Variants in MMS22L observed in about 807,000 individuals in gnomAD.
MMS22L encodes protein MMS22-like.
MMS22L carries 74 observed loss-of-function variants against 159.1 expected under a neutral mutation model. That is an observed-to-expected ratio of 0.47 (90% CI 0.39 to 0.56). MMS22L has a LOEUF of 0.56. Among genes scored for constraint, MMS22L ranks in the 20% least tolerant of loss-of-function variants. The probability of loss-of-function intolerance (pLI) is 0.00; values close to 1 mark genes in which losing one functional copy is unlikely to be tolerated. For missense variants in MMS22L, 1,351 were observed against 1,422.1 expected, an observed-to-expected ratio of 0.95 and a Z score of 0.80; for synonymous variants, 517 against 506.9, an observed-to-expected ratio of 1.02 and a Z score of -0.27.
chr6:97,278,132 G>A (rs995396782), intron 4 of MMS22L, among the ~76,000 whole-genome samples: 4 of 152,088 alleles, frequency 2.6e-5, no homozygotes, highest in African/African-American at 9.7e-5. Context: ...CTATACATGC[G>A]GTGGCTCATG....
rs553203031 is a variant in MMS22L, at chr6:97,247,179, G to A, written c.1120-489C>T. On this transcript the variant is annotated intron_variant, in intron 10 of 24. Transcript: ENST00000683635. ...ATACAGAAAATAAATTGACAACCTC[G>A]ACTATCTAGAATGATTTCCATAAGG... Among the ~76,000 whole-genome samples, 55 of 151,820 alleles carry A rather than the reference G, an allele frequency of 3.6e-4. 1 individual carries two copies. Among genetic ancestry groups the A allele is most frequent in the Non-Finnish European group, 5.4e-4 (37 of 67,990 alleles).
At chr6:97,203,644 G>C (rs945610454) in intron 14 of MMS22L, among the ~76,000 whole-genome samples, 2 of 152,174 alleles carry the variant, frequency 1.3e-5, no homozygotes, top group Admixed American at 1.3e-4. Flanking sequence ...CTGTATTATA[G>C]CAGCTCTGCT....
Position 97,181,967 on chromosome 6 carries a change from C to G in MMS22L, c.2321G>C (p.Gly774Ala). 3 of 1,613,632 alleles carry G rather than the reference C, an allele frequency of 1.9e-6. No individual in the cohort carries two copies. The African/African-American group carries it at 4.0e-5, about 22-fold the overall frequency. ...TTGAGGGCAGATGATATCATCCCAA[C>G]CAAAAAGTTGAATAATTGATATAAC... ...QPVISIIQLF[G>A]WDDIICPQVV... The change falls in exon 16 of 25, where the codon GGT (glycine) becomes GCT (alanine). Residue 774 changes from glycine (G) to alanine (A), a missense_variant. Coordinates refer to ENST00000683635, the MANE Select transcript of MMS22L (RefSeq NM_001350599.2).
intron 14 of MMS22L, among the ~76,000 whole-genome samples, chr6:97,209,158 C>A (rs1389298692): frequency 6.6e-6 from 1 of 151,958 alleles, no homozygotes; most frequent in South Asian, 2.1e-4. Context: ...ACTGATGAAT[C>A]CCCCAAATAT....
At chr6:97,150,241 G>T (rs1801187565) in intron 23 of MMS22L, among the ~76,000 whole-genome samples, 1 of 152,140 alleles carries the variant, frequency 6.6e-6, no homozygotes, top group South Asian at 2.1e-4. Context: ...GCACTGTGGG[G>T]AGGAGCAGGG....
intron 14 of MMS22L, among the ~76,000 whole-genome samples, chr6:97,202,366 A>G (rs1807269906): frequency 6.6e-6 from 1 of 152,202 alleles, no homozygotes; most frequent in South Asian, 2.1e-4. Flanking sequence ...ATACCTTTAA[A>G]TATGGCAATG....
intron 14 of MMS22L, among the ~76,000 whole-genome samples, chr6:97,226,535 A>G (rs1366132098): frequency 6.6e-6 from 1 of 152,152 alleles, no homozygotes; most frequent in Non-Finnish European, 1.5e-5. Flanking sequence ...CGGAGGTTGC[A>G]GTGAGCCGAG....
At chr6:97,281,711 T>C (rs114457959) in intron 2 of MMS22L, among the ~76,000 whole-genome samples, 54 of 152,338 alleles carry the variant, frequency 3.5e-4, no homozygotes, top group Middle Eastern at 3.4e-3. Flanking sequence ...TTCTGAGCCA[T>C]GTCTGGAGAA....
intron 19 of MMS22L, among the ~76,000 whole-genome samples, chr6:97,168,690 G>C (rs1357491797): frequency 6.6e-6 from 1 of 152,048 alleles, no homozygotes; most frequent in East Asian, 1.9e-4. Flanking sequence ...AATACTTCTA[G>C]TCCCAAGAAT....
chr6:97,173,171 T>C lies in MMS22L; in HGVS notation c.2731A>G (p.Met911Val), dbSNP rs139900654. The C allele has an allele frequency of 4.3e-4, 687 of 1,613,714 alleles. 2 individuals are homozygous for C. Among genetic ancestry groups the C allele is most frequent in the South Asian group, 1.1e-3 (98 of 91,044 alleles). The change falls in exon 19 of 25, where the codon ATG (methionine) becomes GTG (valine). Residue 911 changes from methionine to valine, a missense_variant. Coordinates refer to ENST00000683635, the MANE Select transcript of MMS22L (RefSeq NM_001350599.2). Reference sequence around the variant, plus strand: ...AGGTATTCCAAGGACTTTGTGACCATGGCAGATTTATCAGAAAGTGTCTGG... The same window carrying C: ...AGGTATTCCAAGGACTTTGTGACCACGGCAGATTTATCAGAAAGTGTCTGG... ...NVQTLSDKSA[M>V]VTKSLEYLGE...
chr6:97,168,010 T>A, intron 20 of MMS22L, 61 bp downstream of exon 20: 5 of 1,389,218 alleles, frequency 3.6e-6, no homozygotes, highest in South Asian at 1.5e-5. Flanking sequence ...GTAAACTATG[T>A]TTTTAAGGCA....
At chr6:97,162,813 G>C (rs914953343) in intron 21 of MMS22L, among the ~76,000 whole-genome samples, 3 of 151,880 alleles carry the variant, frequency 2.0e-5, no homozygotes, top group African/African-American at 7.3e-5. Flanking sequence ...TCACCTCTTA[G>C]AACAGGTCCG....
chr6:97,242,464 A>G (rs1812182943), intron 11 of MMS22L, among the ~76,000 whole-genome samples: 1 of 152,146 alleles, frequency 6.6e-6, no homozygotes, highest in Non-Finnish European at 1.5e-5. Context: ...TTTCCACCCC[A>G]TTACCTTAAG....
At chr6:97,167,660 C>T (rs1386627381) in intron 20 of MMS22L, among the ~76,000 whole-genome samples, 2 of 152,078 alleles carry the variant, frequency 1.3e-5, no homozygotes, top group Non-Finnish European at 2.9e-5. Context: ...CAGAACCATT[C>T]TATATTTTCT....
At position 97,152,722 on chromosome 6, in the gene MMS22L, C is replaced by G. The variant is rs58272748; in HGVS notation, c.3386-855G>C. 6.1e-3 allele frequency among the ~76,000 whole-genome samples: 925 copies of G among 151,844 alleles called. 11 individuals are homozygous for G. Among genetic ancestry groups the G allele is most frequent in the African/African-American group, 0.021 (855 of 41,408 alleles). On this transcript the variant is annotated intron_variant, in intron 22 of 24. Transcript: ENST00000683635. The stretch of plus-strand genomic sequence containing the variant: ...CTCGTGGCTAAGGAACACACAGCAT[C>G]CTTGCCTTTTACTTGAAAACTTTTT...
Position 97,158,738 on chromosome 6 carries a change from G to T in MMS22L, c.3385+3264C>A, listed in dbSNP as rs185598295. Among the ~76,000 whole-genome samples, 84 of 152,186 alleles carry T rather than the reference G, an allele frequency of 5.5e-4. 1 individual carries two copies. Among genetic ancestry groups the T allele is most frequent in the Non-Finnish European group, 1.5e-5 (1 of 68,014 alleles). On this transcript the variant is annotated intron_variant, in intron 22 of 24. Transcript: ENST00000683635. ...GGAGTGTTTTACTTCCAATTATGTG[G>T]TCATTTTTAGAATAAGTGCGATGTG...
chr6:97,272,478 C>T (rs538454851), intron 6 of MMS22L: 13 of 436,368 alleles, frequency 3.0e-5, no homozygotes, highest in African/African-American at 1.8e-4. Flanking sequence ...TTATTTAATT[C>T]ATCCAATGAT....
chr6:97,226,226 T>C (rs1446607523), intron 14 of MMS22L, among the ~76,000 whole-genome samples: 1 of 152,192 alleles, frequency 6.6e-6, no homozygotes, highest in African/African-American at 2.4e-5. Context: ...GGTTTTCATG[T>C]TTTAACATGA....
intron 23 of MMS22L, among the ~76,000 whole-genome samples, chr6:97,151,372 A>C (rs1267336244): frequency 6.6e-6 from 1 of 152,222 alleles, no homozygotes; most frequent in Non-Finnish European, 1.5e-5. Flanking sequence ...GCCTAGGACC[A>C]TTAGGCCATA....
Sources: allele counts gnomAD v4.1 joint callset (sites outside exome capture counted in the v4.1 genomes callset), GRCh38; gene constraint gnomAD v4.1.1; transcripts MANE v1.5; gene names NCBI Gene and HGNC (gene_info 2026-07-23, HGNC 2026-07-21).